WDR72: variants seen among roughly 807,000 people sequenced by gnomAD.
WDR72 encodes the protein WD repeat-containing protein 72.
A neutral mutation model predicts 124.2 loss-of-function variants in WDR72; 120 were observed. The observed-to-expected ratio is 0.97, with a 90% CI of 0.83 to 1.12. The LOEUF is 1.12. Ranked by LOEUF, WDR72 falls within the 50% of genes most tolerant of loss-of-function variation. The probability of loss-of-function intolerance (pLI) is 0.00; values close to 1 mark genes in which losing one functional copy is unlikely to be tolerated. For synonymous variants in WDR72, 452 were observed against 441.7 expected (o/e 1.02, Z -0.29); for missense variants, 1,387 against 1,278.8 (o/e 1.08, Z -1.29).
chr15:53,701,536 G>GTCTCTCTCTCTC (rs370281315), intron 12 of WDR72, among the ~76,000 whole-genome samples: 16,847 of 100,002 alleles, frequency 0.17, 1,573 homozygotes, highest in East Asian at 0.25. Context: ...GTGAGACCCT[G>GTCTCTCTCTCTC]TCTCTCTCTC....
chr15:53,661,502 C>G (rs2015608175), intron 14 of WDR72, among the ~76,000 whole-genome samples: 1 of 152,144 alleles, frequency 6.6e-6, no homozygotes, highest in South Asian at 2.1e-4. Flanking sequence ...AAGACCTCTC[C>G]TTAGGTCCCT....
intron 14 of WDR72, among the ~76,000 whole-genome samples, chr15:53,648,100 T>C (rs1365630303): frequency 1.3e-5 from 2 of 152,208 alleles, no homozygotes; most frequent in African/African-American, 4.8e-5. Context: ...AATAGACACG[T>C]CATGATCCAA....
chr15:53,514,988 T>C lies in WDR72; in HGVS notation c.*2711A>G, dbSNP rs1595718030. 1 of 78,530 alleles carries C rather than the reference T, an allele frequency of 1.3e-5. No individual in the cohort carries two copies. The highest frequency in any genetic ancestry group is 3.8e-4 in the East Asian group (1 of 2,644). 4.9% of individuals were successfully genotyped at this position (78,530 alleles called of 1,614,324 possible). A position where few individuals can be genotyped will look rare whatever the true frequency, so the allele number is the denominator to read the frequency against. ...TCAAGGCTTGCAAATGAAAATATGA[T>C]ATTCCTTTGGGGGATATGCCATATA... On this transcript the variant is annotated 3_prime_UTR_variant, in exon 20 of 20. Transcript: ENST00000360509.
intron 14 of WDR72, among the ~76,000 whole-genome samples, chr15:53,658,661 C>A (rs1027329268): frequency 6.6e-6 from 1 of 152,124 alleles, no homozygotes; most frequent in Admixed American, 6.6e-5. Context: ...AATTTTGTGT[C>A]CATGTTTTAC....
At chr15:53,606,460 G>T (rs1193949900) in intron 17 of WDR72, among the ~76,000 whole-genome samples, 1 of 152,102 alleles carries the variant, frequency 6.6e-6, no homozygotes, top group Non-Finnish European at 1.5e-5. Context: ...TGCTTTTCTG[G>T]GCATTGGTAA....
At position 53,516,669 on chromosome 15, in the gene WDR72, A is replaced by AG. The variant is rs1595719436; in HGVS notation, c.*1029dup. The AG allele has an allele frequency of 6.6e-6, 1 of 152,224 alleles. No homozygotes were observed. Among genetic ancestry groups the AG allele is most frequent in the East Asian group, 1.9e-4 (1 of 5,162 alleles). The allele number at this position is 152,224 out of a possible 1,614,324, so 9.4% of individuals were successfully genotyped here. ...GGACTTCCCTATTAGATACATAGAT[A>AG]GATAGATATAGCTATATATCACATA... On this transcript the variant is annotated 3_prime_UTR_variant, in exon 20 of 20. Transcript: ENST00000360509.
At chr15:53,754,149 G>C (rs1247634987) in intron 1 of WDR72, among the ~76,000 whole-genome samples, 1 of 152,082 alleles carries the variant, frequency 6.6e-6, no homozygotes, top group Non-Finnish European at 1.5e-5. Flanking sequence ...TTAGACTAAA[G>C]ACTGTTTAGT....
chr15:53,616,251 A>T lies in WDR72; in HGVS notation c.1963-8T>A. 1.3e-6 allele frequency: 2 copies of T among 1,591,978 alleles called. No individual in the cohort carries two copies. Among genetic ancestry groups the T allele is most frequent in the Non-Finnish European group, 1.7e-6 (2 of 1,172,776 alleles). Reference sequence around the variant, plus strand: ...AAATTTGGCATCAGTAACCTAAGGGAACAAAAAATATTTGTGTCAAAGTTC... The same window carrying T: ...AAATTTGGCATCAGTAACCTAAGGGTACAAAAAATATTTGTGTCAAAGTTC... On this transcript the variant is annotated splice_region_variant and splice_polypyrimidine_tract_variant and intron_variant, in intron 14 of 19. Coordinates refer to ENST00000360509, the MANE Select transcript of WDR72 (RefSeq NM_182758.4).
chr15:53,604,767 CACA>C (rs1402842255), intron 17 of WDR72, among the ~76,000 whole-genome samples: 1 of 151,912 alleles, frequency 6.6e-6, no homozygotes, highest in Admixed American at 6.6e-5. Context: ...AAATCAAAAC[CACA>C]ACGAGATAAT....
chr15:53,679,127 A>C (rs1474513309), intron 13 of WDR72, among the ~76,000 whole-genome samples: 1 of 152,230 alleles, frequency 6.6e-6, no homozygotes, highest in Non-Finnish European at 1.5e-5. Context: ...AGAAACAGAA[A>C]GTAGAATAGC....
chr15:53,669,175 T>G (rs2015903075), intron 13 of WDR72, among the ~76,000 whole-genome samples: 1 of 152,152 alleles, frequency 6.6e-6, no homozygotes, highest in African/African-American at 2.4e-5. Flanking sequence ...AGCAGCACTT[T>G]GCATCCAACC....
intron 3 of WDR72, among the ~76,000 whole-genome samples, chr15:53,718,429 C>G (rs1030660627): frequency 2.0e-5 from 3 of 152,148 alleles, no homozygotes; most frequent in African/African-American, 4.8e-5. Flanking sequence ...TTTAAACCAT[C>G]TTGGATCCCA....
intron 14 of WDR72, among the ~76,000 whole-genome samples, chr15:53,632,808 G>A (rs2014482054): frequency 6.6e-6 from 1 of 152,200 alleles, no homozygotes. Context: ...GACTTGTATG[G>A]GACCCGTAGT....
intron 18 of WDR72, among the ~76,000 whole-genome samples, chr15:53,561,947 C>T (rs961785488): frequency 6.6e-6 from 1 of 151,744 alleles, no homozygotes; most frequent in Non-Finnish European, 1.5e-5. Context: ...CACTAGAAAG[C>T]TCAAGTAGTT....
chr15:53,633,499 T>C (rs1442906305), intron 14 of WDR72, among the ~76,000 whole-genome samples: 1 of 152,224 alleles, frequency 6.6e-6, no homozygotes, highest in Non-Finnish European at 1.5e-5. Context: ...ACAAAAATTC[T>C]ATTGTAATTC....
At position 53,516,649 on chromosome 15, in the gene WDR72, T is replaced by A. The variant is rs973379953; in HGVS notation, c.*1050A>T. ...TTCTTCAATTGAAGTGACTTGGACTTCCCTATTAGATACATAGATAGATAG... is the reference window on the plus strand; with the variant it reads ...TTCTTCAATTGAAGTGACTTGGACTACCCTATTAGATACATAGATAGATAG... On this transcript the variant is annotated 3_prime_UTR_variant, in exon 20 of 20. Transcript: ENST00000360509. 8.6e-5 allele frequency: 13 copies of A among 152,032 alleles called. No homozygotes were observed. Among genetic ancestry groups the A allele is most frequent in the African/African-American group, 3.1e-4 (13 of 41,432 alleles). 9.4% of individuals were successfully genotyped at this position (152,032 alleles called of 1,614,324 possible).
chr15:53,736,071 A>G (rs1454138749), intron 1 of WDR72, among the ~76,000 whole-genome samples: 1 of 152,164 alleles, frequency 6.6e-6, no homozygotes, highest in Non-Finnish European at 1.5e-5. Context: ...GAAAATGTTG[A>G]GTAAAAAGAA....
chr15:53,529,615 G>C (rs1166563673), intron 18 of WDR72, among the ~76,000 whole-genome samples: 1 of 152,010 alleles, frequency 6.6e-6, no homozygotes, highest in Non-Finnish European at 1.5e-5. Context: ...CAGTTTCTCA[G>C]CGATAAGGAG....
chr15:53,715,389 C>A (rs759417658), intron 4 of WDR72, 22 bp from the exon 5 acceptor site: 103 of 1,613,596 alleles, frequency 6.4e-5, no homozygotes, highest in Non-Finnish European at 8.0e-5. Context: ...GAAAGCAAAG[C>A]AAACATTTAA....
Sources: gnomAD v4.1 joint callset for allele counts (sites outside exome capture counted in the v4.1 genomes callset) on GRCh38, gnomAD v4.1.1 for gene constraint, MANE v1.5 for transcripts, NCBI Gene and HGNC (gene_info 2026-07-23, HGNC 2026-07-21) for gene names.